Variants in ACAP2 observed in about 807,000 individuals in gnomAD.
The protein encoded by ACAP2 is ArfGAP with coiled-coil, ankyrin repeat and PH domains 2.
Under a neutral mutation model 115.8 loss-of-function variants are expected in ACAP2, and 39 were observed. That is an observed-to-expected ratio of 0.34 (90% confidence interval 0.26 to 0.44). The LOEUF (loss-of-function observed/expected upper bound fraction) is 0.44, where lower values mean the gene tolerates loss of function less well. Ranked by LOEUF, ACAP2 falls within the 20% of genes least tolerant of loss-of-function variation. ACAP2 has a pLI of 1.00. For missense variants in ACAP2, 662 were observed against 927.6 expected, an observed-to-expected ratio of 0.71 and a Z score of 3.72; for synonymous variants, 289 against 315.8, an observed-to-expected ratio of 0.92 and a Z score of 0.90.
intron 5 of ACAP2, 58 bp downstream of exon 5, chr3:195,345,201 T>C: frequency 8.6e-7 from 1 of 1,167,626 alleles, no homozygotes; most frequent in South Asian, 1.2e-5. Context: ...AAGATACGAA[T>C]TCTCAGATTG....
chr3:195,391,051 T>C (rs1370123935), intron 2 of ACAP2, among the ~76,000 whole-genome samples: 1 of 152,166 alleles, frequency 6.6e-6, no homozygotes, highest in Non-Finnish European at 1.5e-5. Flanking sequence ...TTACTGAGTA[T>C]CTATAAGTAT....
At chr3:195,308,959 A>T (rs982271503) in intron 10 of ACAP2, 122 bp from the exon 11 acceptor site, 5 of 933,478 alleles carry the variant, frequency 5.4e-6, no homozygotes, top group Non-Finnish European at 8.0e-6. Context: ...TGAGAAGTCC[A>T]CTGTATTATT....
intron 2 of ACAP2, among the ~76,000 whole-genome samples, chr3:195,384,514 G>A (rs1734158972): frequency 6.6e-6 from 1 of 151,972 alleles, no homozygotes. Context: ...ATCACTTGAG[G>A]TCAGGAGTTC....
At chr3:195,375,199 AAAAT>A (rs929578428) in intron 4 of ACAP2, among the ~76,000 whole-genome samples, 5 of 152,078 alleles carry the variant, frequency 3.3e-5, no homozygotes, top group African/African-American at 1.2e-4. Context: ...CAAAAAATAA[AAAAT>A]AAATAAATAA....
chr3:195,284,120 C>T (rs1014753297), intron 22 of ACAP2, among the ~76,000 whole-genome samples: 1 of 152,156 alleles, frequency 6.6e-6, no homozygotes, highest in African/African-American at 2.4e-5. Flanking sequence ...CCTGGCTAAT[C>T]AGCTGGGTGA....
At chr3:195,435,544 C>T (rs1365874214) in intron 1 of ACAP2, among the ~76,000 whole-genome samples, 2 of 151,682 alleles carry the variant, frequency 1.3e-5, no homozygotes, top group Non-Finnish European at 1.5e-5. Flanking sequence ...ATAAGTTTGG[C>T]GTGTTCTATT....
chr3:195,430,797 C>T (rs1046227732), intron 1 of ACAP2, among the ~76,000 whole-genome samples: 3 of 151,922 alleles, frequency 2.0e-5, no homozygotes, highest in African/African-American at 7.3e-5. Flanking sequence ...TAAGTCAAGG[C>T]GAAAGAAATA....
At position 195,307,225 on chromosome 3, in the gene ACAP2, T is replaced by C; in HGVS notation, c.1008A>G (p.Thr336=). 6.2e-7 allele frequency: 1 copy of C among 1,612,068 alleles called. No individual in the cohort carries two copies. The highest frequency in any genetic ancestry group is 8.5e-7 in the Non-Finnish European group (1 of 1,178,624). Residue 336 remains threonine (T), a splice_region_variant and synonymous_variant, in exon 12 of 23, where the codon ACA becomes ACG. Coordinates refer to ENST00000326793, the MANE Select transcript of ACAP2 (RefSeq NM_012287.6). The part of the protein sequence containing the change: ...RRFCFEVVSP[T]KSCMLQADSE... The stretch of plus-strand genomic sequence containing the variant: ...ACAGATCCTTTAGAACCACTTACTT[T>C]GTTGGCGAGACCACCTCAAAGCAGA...
intron 2 of ACAP2, 112 bp from the exon 3 acceptor site, chr3:195,382,134 C>T (rs2108753048): frequency 1.1e-6 from 1 of 951,702 alleles, no homozygotes; most frequent in East Asian, 2.7e-5. Flanking sequence ...CAATTTGTTT[C>T]ATCGATAAAC....
chr3:195,383,887 T>G (rs1040607649), intron 2 of ACAP2, among the ~76,000 whole-genome samples: 2 of 152,164 alleles, frequency 1.3e-5, no homozygotes, highest in Non-Finnish European at 2.9e-5. Context: ...GAAAAGATAT[T>G]CATTCTCACT....
At chr3:195,370,657 GT>G (rs1273349943) in intron 4 of ACAP2, among the ~76,000 whole-genome samples, 2 of 152,134 alleles carry the variant, frequency 1.3e-5, no homozygotes, top group African/African-American at 4.8e-5. Flanking sequence ...CTGTAGCATA[GT>G]TTGAAGTCTG....
chr3:195,418,210 C>T (rs1713899557), intron 1 of ACAP2, among the ~76,000 whole-genome samples: 1 of 152,142 alleles, frequency 6.6e-6, no homozygotes. Context: ...TATTCCTTAC[C>T]TTAAGAAGCT....
chr3:195,311,726 G>A (rs375194621), intron 10 of ACAP2, among the ~76,000 whole-genome samples: 1 of 151,694 alleles, frequency 6.6e-6, no homozygotes, highest in Admixed American at 6.6e-5. Context: ...TAGTAGAGAC[G>A]GGGTTTCGCC....
chr3:195,321,189 G>A (rs1274555662), intron 9 of ACAP2, among the ~76,000 whole-genome samples: 5 of 143,706 alleles, frequency 3.5e-5, no homozygotes, highest in Admixed American at 6.9e-5. Flanking sequence ...AGGGTATGAC[G>A]TTTAAAATTC....
At chr3:195,369,423 C>A (rs1296290248) in intron 4 of ACAP2, among the ~76,000 whole-genome samples, 1 of 152,166 alleles carries the variant, frequency 6.6e-6, no homozygotes, top group African/African-American at 2.4e-5. Flanking sequence ...CCTCCTCCCA[C>A]CCTCCACCCT....
At chr3:195,377,136 A>ATTTTTTT (rs1478091442) in intron 4 of ACAP2, among the ~76,000 whole-genome samples, 1 of 89,718 alleles carries the variant, frequency 1.1e-5, no homozygotes, top group Non-Finnish European at 2.2e-5. Flanking sequence ...AGGAATGTAA[A>ATTTTTTT]TCTTTTTTTT....
chr3:195,294,748 G>A lies in ACAP2; in HGVS notation c.1736C>T (p.Thr579Met), dbSNP rs139056381. The A allele has an allele frequency of 4.8e-5, 77 of 1,608,068 alleles. No individual in the cohort carries two copies. Among genetic ancestry groups the A allele is most frequent in the African/African-American group, 2.3e-4 (17 of 74,656 alleles). The change falls in exon 18 of 23, where the codon ACG (threonine) becomes ATG (methionine). Residue 579 changes from threonine to methionine, a missense_variant. Physicochemically the swap from Thr to Met is moderately conservative, Grantham distance 81. Transcript: ENST00000326793. ...SDDGRESLPS[T>M]VSANSLYEPE... ...CTCATATAAACTATTGGCTGACACC[G>A]TGGAGGGTAAAGATTCTCTTCCATC... is the stretch of plus-strand genomic sequence containing the variant.
intron 4 of ACAP2, among the ~76,000 whole-genome samples, chr3:195,374,319 G>A (rs546768277): frequency 1.4e-3 from 214 of 152,334 alleles, no homozygotes; most frequent in African/African-American, 4.7e-3. Flanking sequence ...GAACCCAGGA[G>A]GCGGAGGTTG....
chr3:195,402,449 A>C (rs1577421131), intron 1 of ACAP2, among the ~76,000 whole-genome samples: 1 of 152,312 alleles, frequency 6.6e-6, no homozygotes, highest in East Asian at 1.9e-4. Context: ...CTTAAAACTA[A>C]AGTTATAATG....
Sources: allele counts gnomAD v4.1 joint callset (sites outside exome capture counted in the v4.1 genomes callset), GRCh38; gene constraint gnomAD v4.1.1; transcripts MANE v1.5; gene names NCBI Gene and HGNC (gene_info 2026-07-23, HGNC 2026-07-21).